The following ERO1A variants were observed in gnomAD, a reference collection of about 807,000 sequenced individuals.
ERO1A encodes ERO1-like protein alpha.
A neutral mutation model predicts 76.9 loss-of-function variants in ERO1A; 49 were observed. The ratio of observed to expected loss-of-function variants is 0.64; its 90% CI spans 0.51 to 0.81. The LOEUF (loss-of-function observed/expected upper bound fraction) is 0.81. Ranked by LOEUF, ERO1A falls within the 30% of genes least tolerant of loss-of-function variation. The pLI is 0.00. For missense variants in ERO1A, 448 were observed against 542.1 expected, an observed-to-expected ratio of 0.83 and a Z score of 1.72; for synonymous variants, 174 against 181.2, an observed-to-expected ratio of 0.96 and a Z score of 0.32.
intron 1 of ERO1A, among the ~76,000 whole-genome samples, chr14:52,687,971 A>T (rs1307890620): frequency 6.6e-6 from 1 of 152,158 alleles, no homozygotes; most frequent in Non-Finnish European, 1.5e-5. Flanking sequence ...GGGTTGCTTG[A>T]GAACAGGAAT....
intron 3 of ERO1A, among the ~76,000 whole-genome samples, chr14:52,681,272 G>A (rs567172151): frequency 3.5e-4 from 54 of 152,256 alleles, no homozygotes; most frequent in Non-Finnish European, 6.2e-4. Flanking sequence ...CATAGTATAG[G>A]CATACAGTGG....
chr14:52,644,486 T>C (rs977961170), intron 15 of ERO1A, among the ~76,000 whole-genome samples: 1 of 152,182 alleles, frequency 6.6e-6, no homozygotes, highest in African/African-American at 2.4e-5. Context: ...TAAGCATTCA[T>C]AAGTATACTC....
intron 11 of ERO1A, among the ~76,000 whole-genome samples, chr14:52,655,000 A>C (rs1323150413): frequency 6.6e-6 from 1 of 152,216 alleles, no homozygotes; most frequent in Non-Finnish European, 1.5e-5. Context: ...ATAAAAGGCA[A>C]ACCTGTCCAC....
intron 5 of ERO1A, 46 bp from the exon 6 acceptor site, chr14:52,671,749 T>C (rs1390026061): frequency 6.3e-7 from 1 of 1,576,218 alleles, no homozygotes; most frequent in South Asian, 1.2e-5. Context: ...TAAGTTAATA[T>C]GTAACATAAA....
rs992774410 is a variant in ERO1A, at chr14:52,663,682, A to G, written c.676+119T>C. On this transcript the variant is annotated intron_variant, in intron 8 of 15. Coordinates refer to ENST00000395686, the MANE Select transcript of ERO1A (RefSeq NM_014584.3). ...GCAAGCGTGAGGCATAACTCTATGG[A>G]AACAGGACTGTGGATTATATGACTT... 4 of 634,624 alleles carry G rather than the reference A, an allele frequency of 6.3e-6. No homozygotes were observed. In the African/African-American group the frequency reaches 7.5e-5, roughly 12 times the overall value. The allele number at this position is 634,624 out of a possible 1,614,324, so 39.3% of individuals were successfully genotyped here.
At chr14:52,693,002 C>CTTTTTTTTT (rs559143853) in intron 1 of ERO1A, among the ~76,000 whole-genome samples, 15 of 85,728 alleles carry the variant, frequency 1.7e-4, no homozygotes, top group East Asian at 8.7e-4. Context: ...AAATAGACAA[C>CTTTTTTTTT]TTTTTTTTTT....
Position 52,652,240 on chromosome 14 carries a change from T to C in ERO1A, c.1124A>G (p.Lys375Arg). Residue 375 changes from lysine to arginine, a missense_variant and splice_region_variant, in exon 13 of 16, where the codon AAG becomes AGG. Lys to Arg is a conservative substitution (Grantham distance 26, BLOSUM62 2). Transcript: ENST00000395686. ...AACAGTTAAGTATAAAGTAATTACC[T>C]TTAGTTTGTGTGCTTCTTTTTTATC... Reference protein sequence around the residue: ...AGDKKEAHKLKEDFRLHFRNI... With the variant: ...AGDKKEAHKLREDFRLHFRNI... The C allele has an allele frequency of 6.3e-7, 1 of 1,576,138 alleles. No homozygotes were observed. Among genetic ancestry groups the C allele is most frequent in the Non-Finnish European group, 8.7e-7 (1 of 1,145,496 alleles).
At chr14:52,682,304 A>G in intron 3 of ERO1A, 21 bp downstream of exon 3, 1 of 1,512,992 alleles carries the variant, frequency 6.6e-7, no homozygotes, top group Non-Finnish European at 9.0e-7. Context: ...AACAGTTTTT[A>G]AATGTATACA....
rs1386834559 is a variant in ERO1A, at chr14:52,653,150, G to T, written c.974C>A (p.Pro325Gln). 1 of 1,612,740 alleles carries T rather than the reference G, an allele frequency of 6.2e-7. No individual in the cohort carries two copies. Among genetic ancestry groups the T allele is most frequent in the South Asian group, 1.1e-5 (1 of 91,038 alleles). The change falls in exon 12 of 16, where the codon CCA becomes CAA. Residue 325 changes from proline (P) to glutamine (Q), a missense_variant. By Grantham distance (76) the Pro-to-Gln change is moderately conservative. Around this residue, in one of 2 missense-constraint regions of ERO1A, gnomAD observed 302 missense variants for 411.9 expected, o/e 0.73. Coordinates refer to ENST00000395686, the MANE Select transcript of ERO1A (RefSeq NM_014584.3). ...ATTTCCAGTAAAGAGTTGAAAATCT[G>T]GGCGCTCGAAGAATGGTAACACTTT... ...LSKVLPFFER[P>Q]DFQLFTGNKI...
In ERO1A at chr14:52,646,304, GA is replaced by G. The variant is rs767370279; in HGVS notation, c.1213-18del. ...ACCCTGAGTCTGTAATAGAAATAAG[GA>G]AAAAAGAAAAATTAGAAAATTATTC... On this transcript the variant is annotated intron_variant, in intron 14 of 15. Transcript: ENST00000395686. 4 of 1,596,470 alleles carry G rather than the reference GA, an allele frequency of 2.5e-6. No individual in the cohort carries two copies. The South Asian group carries it at 4.6e-5, about 18-fold the overall frequency.
chr14:52,671,118 T>A (rs1054453721), intron 6 of ERO1A, among the ~76,000 whole-genome samples: 2 of 152,266 alleles, frequency 1.3e-5, no homozygotes, highest in Admixed American at 6.5e-5. Context: ...GTGCCTGACC[T>A]ATTTCACTTA....
chr14:52,693,096 T>G (rs2139802756), intron 1 of ERO1A, among the ~76,000 whole-genome samples: 1 of 151,858 alleles, frequency 6.6e-6, no homozygotes, highest in South Asian at 2.1e-4. Context: ...AAAACTGTTT[T>G]TTTAACTATA....
chr14:52,686,045 C>T (rs1244417681), intron 1 of ERO1A, among the ~76,000 whole-genome samples: 1 of 152,190 alleles, frequency 6.6e-6, no homozygotes, highest in Non-Finnish European at 1.5e-5. Context: ...AGCCCCATCC[C>T]TACCAGAAAC....
intron 4 of ERO1A, among the ~76,000 whole-genome samples, chr14:52,675,309 G>C (rs1056848028): frequency 6.6e-6 from 1 of 151,892 alleles, no homozygotes; most frequent in African/African-American, 2.4e-5. Context: ...CTTGAACCCG[G>C]GAGGCAGAGG....
chr14:52,650,588 G>GTA (rs777521574), intron 13 of ERO1A, among the ~76,000 whole-genome samples: 10 of 151,710 alleles, frequency 6.6e-5, no homozygotes, highest in Non-Finnish European at 1.5e-4. Context: ...ATGTGTGTGT[G>GTA]TATATATATG....
chr14:52,666,269 T>G, intron 7 of ERO1A, 106 bp downstream of exon 7: 1 of 850,728 alleles, frequency 1.2e-6, no homozygotes, highest in East Asian at 2.7e-5. Context: ...AAACACATCT[T>G]TTAACAAAGT....
In ERO1A at chr14:52,674,532, C is replaced by A. The variant is rs928428347; in HGVS notation, c.358-2661G>T. Among the ~76,000 whole-genome samples, 12 of 152,166 alleles carry A rather than the reference C, an allele frequency of 7.9e-5. No homozygotes were observed. In the East Asian group the frequency reaches 9.6e-4, roughly 12 times the overall value. On this transcript the variant is annotated intron_variant, in intron 4 of 15. Transcript: ENST00000395686. ...GCAATTTGTTAAATGAAATTATTTT[C>A]TATTTGAAATAGTTGATAATGACAC...
Position 52,643,456 on chromosome 14 carries a change from G to T in ERO1A, c.*114C>A. On this transcript the variant is annotated 3_prime_UTR_variant, in exon 16 of 16. Transcript: ENST00000395686. ...AACAATATAATTCTCCTTTACAAAA[G>T]CAACTTTATATAAAATGTTTGGCTT... The T allele has an allele frequency of 1.5e-6, 1 of 651,538 alleles. No individual in the cohort carries two copies. Among genetic ancestry groups the T allele is most frequent in the Non-Finnish European group, 2.5e-6 (1 of 407,504 alleles). 40.4% of individuals were successfully genotyped at this position (651,538 alleles called of 1,614,324 possible).
At chr14:52,686,082 C>T (rs546044137) in intron 1 of ERO1A, among the ~76,000 whole-genome samples, 1 of 152,182 alleles carries the variant, frequency 6.6e-6, no homozygotes, top group Non-Finnish European at 1.5e-5. Flanking sequence ...CATGGTGGCC[C>T]ATGCCTGTTG....
Sources: gnomAD v4.1 joint callset for allele counts (sites outside exome capture counted in the v4.1 genomes callset) on GRCh38, gnomAD v4.1.1 for gene constraint, gnomAD v4.1.1 regional missense constraint, MANE v1.5 for transcripts, NCBI Gene and HGNC (gene_info 2026-07-23, HGNC 2026-07-21) for gene names.